PSTPIP1: variants seen among roughly 807,000 people sequenced by gnomAD.
PSTPIP1 encodes proline-serine-threonine phosphatase-interacting protein 1.
A neutral mutation model predicts 69.6 loss-of-function variants in PSTPIP1; 66 were observed. The ratio of observed to expected loss-of-function variants is 0.95; its 90% CI spans 0.78 to 1.16. The LOEUF (loss-of-function observed/expected upper bound fraction) is 1.16. PSTPIP1 is among the 50% of genes most tolerant of loss of function. The pLI, the probability that PSTPIP1 is intolerant of heterozygous loss-of-function variation, is 0.00. For missense variants in PSTPIP1, 603 were observed against 557.4 expected (o/e 1.08, Z -0.82); for synonymous variants, 266 against 222.7 (o/e 1.19, Z -1.73).
chr15:77,012,806 G>T (rs986545303), intron 1 of PSTPIP1, among the ~76,000 whole-genome samples: 2 of 152,234 alleles, frequency 1.3e-5, no homozygotes, highest in Admixed American at 1.3e-4. Flanking sequence ...ATGGGTCATT[G>T]AATCTGCAAG....
chr15:77,030,626 TGA>T (rs1488597434), intron 9 of PSTPIP1, 45 bp downstream of exon 9: 1 of 1,544,114 alleles, frequency 6.5e-7, no homozygotes, highest in Non-Finnish European at 8.8e-7. Context: ...CTGGGAAGTG[TGA>T]GACGCCCATC....
intron 3 of PSTPIP1, among the ~76,000 whole-genome samples, chr15:77,020,663 T>C (rs2076141077): frequency 6.6e-6 from 1 of 152,090 alleles, no homozygotes; most frequent in African/African-American, 2.4e-5. Flanking sequence ...ACAGTGAGGG[T>C]GACTTCCTTC....
chr15:76,996,494 C>T (rs2075582947), intron 1 of PSTPIP1, among the ~76,000 whole-genome samples: 2 of 152,294 alleles, frequency 1.3e-5, no homozygotes, highest in African/African-American at 2.4e-5. Context: ...CCTCCAACCC[C>T]GAAGAGGACG....
intron 14 of PSTPIP1, among the ~76,000 whole-genome samples, chr15:77,036,601 A>C (rs956380474): frequency 6.6e-6 from 1 of 151,926 alleles, no homozygotes; most frequent in African/African-American, 2.4e-5. Flanking sequence ...CTGGGTGTGG[A>C]CTCCACTGAT....
chr15:77,022,328 G>C (rs2076178267), intron 3 of PSTPIP1, among the ~76,000 whole-genome samples: 1 of 152,198 alleles, frequency 6.6e-6, no homozygotes, highest in African/African-American at 2.4e-5. Context: ...GACACAGTGG[G>C]GTCAGAGCAG....
At chr15:77,032,184 C>A in intron 10 of PSTPIP1, 114 bp from the exon 11 acceptor site, 2 of 1,020,476 alleles carry the variant, frequency 2.0e-6, no homozygotes, top group Admixed American at 2.2e-5. Flanking sequence ...AGACCCCGAG[C>A]CGCGCACAAT....
chr15:77,025,693 A>G, intron 5 of PSTPIP1, 89 bp downstream of exon 5: 1 of 747,076 alleles, frequency 1.3e-6, no homozygotes, highest in Non-Finnish European at 2.0e-6. Context: ...TTCCTGGTAG[A>G]GCCAGTGGAG....
In PSTPIP1 at chr15:77,030,566, C is replaced by A. The variant is rs760537996; in HGVS notation, c.627C>A (p.His209Gln). 6.8e-6 allele frequency: 11 copies of A among 1,608,420 alleles called. No homozygotes were observed. In the South Asian group the frequency reaches 9.9e-5, roughly 14 times the overall value. The change falls in exon 9 of 15, where the codon CAC becomes CAA. Residue 209 changes from histidine to glutamine, a missense_variant. Transcript: ENST00000558012. The stretch of plus-strand genomic sequence containing the variant: ...TCCGGGCTGAGTGGGAGCAGGAGCA[C>A]CGGACCACCTGTGAGGTGAGTGGCC... ...EKVRAEWEQE[H>Q]RTTCEAFQLQ...
intron 1 of PSTPIP1, among the ~76,000 whole-genome samples, chr15:77,013,117 G>C (rs1398108703): frequency 6.6e-6 from 1 of 152,214 alleles, no homozygotes; most frequent in South Asian, 2.1e-4. Context: ...CTGCTGGTGT[G>C]AGGGAGGAGA....
chr15:76,995,733 T>A, intron 1 of PSTPIP1, 124 bp downstream of exon 1: 1 of 1,541,554 alleles, frequency 6.5e-7, no homozygotes, highest in African/African-American at 1.4e-5. Context: ...GGTTGATTCT[T>A]GGTCTTAATT....
chr15:77,026,236 T>C (rs1051099598), intron 5 of PSTPIP1: 17 of 455,268 alleles, frequency 3.7e-5, no homozygotes, highest in African/African-American at 3.2e-4. Flanking sequence ...TGGATATAGG[T>C]TCCCTGGAGG....
At chr15:77,034,053 GAT>G (rs1398331058) in intron 12 of PSTPIP1, among the ~76,000 whole-genome samples, 1 of 152,068 alleles carries the variant, frequency 6.6e-6, no homozygotes, top group African/African-American at 2.4e-5. Context: ...GAGAGAGAGA[GAT>G]GTCCTGCAGG....
At chr15:77,021,568 A>G (rs2076162693) in intron 3 of PSTPIP1, among the ~76,000 whole-genome samples, 1 of 152,168 alleles carries the variant, frequency 6.6e-6, no homozygotes, top group Non-Finnish European at 1.5e-5. Context: ...AGTCCCAGCT[A>G]CTCAGGAGGC....
chr15:77,000,664 C>T (rs2075688927), intron 1 of PSTPIP1, among the ~76,000 whole-genome samples: 1 of 152,062 alleles, frequency 6.6e-6, no homozygotes, highest in Non-Finnish European at 1.5e-5. Context: ...TACATAGGTG[C>T]AAGCATATTG....
chr15:77,032,463 C>T (rs1383817563), intron 11 of PSTPIP1, 69 bp downstream of exon 11: 5 of 1,525,520 alleles, frequency 3.3e-6, no homozygotes, highest in Non-Finnish European at 3.6e-6. Flanking sequence ...CGGCCCTGAG[C>T]CTCAAGTGCC....
intron 1 of PSTPIP1, chr15:77,007,813 C>T (rs1349533259): frequency 4.6e-6 from 2 of 432,598 alleles, no homozygotes; most frequent in South Asian, 3.3e-5. Context: ...CCAGGATGGT[C>T]TCGATCTCCT....
At chr15:77,000,739 C>T (rs1436171619) in intron 1 of PSTPIP1, among the ~76,000 whole-genome samples, 2 of 152,020 alleles carry the variant, frequency 1.3e-5, no homozygotes, top group African/African-American at 2.4e-5. Context: ...ATGAGGTCTC[C>T]CTGTGTTGCC....
At chr15:77,007,597 CTTT>C (rs78797703) in intron 1 of PSTPIP1, among the ~76,000 whole-genome samples, 1 of 141,258 alleles carries the variant, frequency 7.1e-6, no homozygotes, top group Admixed American at 7.1e-5. Context: ...CAACAGAACA[CTTT>C]TTTTTTTTTT....
At chr15:77,010,680 C>T (rs1274344364) in intron 1 of PSTPIP1, among the ~76,000 whole-genome samples, 2 of 152,160 alleles carry the variant, frequency 1.3e-5, no homozygotes, top group Non-Finnish European at 2.9e-5. Flanking sequence ...CAGGGTCTTA[C>T]TCTGTCACCC....
Sources: allele counts gnomAD v4.1 joint callset (sites outside exome capture counted in the v4.1 genomes callset), GRCh38; gene constraint gnomAD v4.1.1; transcripts MANE v1.5; gene names NCBI Gene and HGNC (gene_info 2026-07-23, HGNC 2026-07-21).